The following KCND2 variants were observed in gnomAD, a reference collection of about 807,000 sequenced individuals.
KCND2 encodes the protein A-type voltage-gated potassium channel KCND2.
KCND2 carries 16 observed loss-of-function variants against 54.4 expected under a neutral mutation model. The observed-to-expected ratio is 0.29, with a 90% CI of 0.20 to 0.45. The LOEUF (loss-of-function observed/expected upper bound fraction) is 0.45. Ranked by LOEUF, KCND2 falls within the 20% of genes least tolerant of loss-of-function variation. KCND2 has a pLI of 1.00. For synonymous variants in KCND2, 317 were observed against 310.7 expected, an observed-to-expected ratio of 1.02 and a Z score of -0.21; for missense variants, 486 against 824.2, an observed-to-expected ratio of 0.59 and a Z score of 5.02.
chr7:120,616,237 G>A (rs925389040), intron 1 of KCND2, among the ~76,000 whole-genome samples: 8 of 152,012 alleles, frequency 5.3e-5, no homozygotes, highest in African/African-American at 1.7e-4. Context: ...GTAATCTAAG[G>A]AAAAATCATT....
intron 1 of KCND2, among the ~76,000 whole-genome samples, chr7:120,673,711 T>C (rs1386394351): frequency 6.6e-6 from 1 of 152,102 alleles, no homozygotes; most frequent in African/African-American, 2.4e-5. Context: ...CAGTGGTTTT[T>C]CATAGCCTAC....
At chr7:120,421,999 G>A (rs1168188862) in intron 1 of KCND2, among the ~76,000 whole-genome samples, 1 of 152,206 alleles carries the variant, frequency 6.6e-6, no homozygotes, top group Non-Finnish European at 1.5e-5. Context: ...AAGGGCAGAA[G>A]GTTGTTCAGT....
intron 1 of KCND2, among the ~76,000 whole-genome samples, chr7:120,621,398 T>C (rs1404169984): frequency 6.6e-6 from 1 of 151,666 alleles, no homozygotes; most frequent in African/African-American, 2.4e-5. Flanking sequence ...TTTAAACACA[T>C]TGAAGGATGG....
chr7:120,443,352 A>T lies in KCND2; in HGVS notation c.1115+167605A>T, dbSNP rs4730962. Among the ~76,000 whole-genome samples the T allele has an allele frequency of 1.8e-4, 27 of 146,594 alleles. 1 individual carries two copies. The highest frequency in any genetic ancestry group is 1.4e-3 in the Admixed American group (20 of 14,526). ...ACAATCTCCAAGAAATAACAATAATAAATAATAATAATAATAATAATAATA... is the reference window on the plus strand; with the variant it reads ...ACAATCTCCAAGAAATAACAATAATTAATAATAATAATAATAATAATAATA... On this transcript the variant is annotated intron_variant, in intron 1 of 5. Transcript: ENST00000331113.
intron 1 of KCND2, among the ~76,000 whole-genome samples, chr7:120,382,937 A>T (rs897573639): frequency 9.2e-5 from 14 of 151,828 alleles, no homozygotes; most frequent in Non-Finnish European, 2.9e-5. Flanking sequence ...TTCAGTGGAG[A>T]TGTTTACTAG....
rs548618966 is a variant in KCND2 at position 120,650,666 on chromosome 7, G to A, written c.1116-82237G>A. On this transcript the variant is annotated intron_variant, in intron 1 of 5. Coordinates refer to ENST00000331113, the MANE Select transcript of KCND2 (RefSeq NM_012281.3). ...TGTTCCATTGCTGGCGAGGAGCTGC[G>A]TTCCTTTGGAGGAGGACAGGCACTC... 1.6e-4 allele frequency among the ~76,000 whole-genome samples: 23 copies of A among 144,040 alleles called. 4 individuals are homozygous for A. The highest frequency in any genetic ancestry group is 5.8e-4 in the East Asian group (3 of 5,170). 94.5% of individuals were successfully genotyped at this position (144,040 alleles called of 152,430 possible).
rs140946576 is a variant in KCND2, at chr7:120,636,286, G to A, written c.1116-96617G>A. Reference sequence around the variant, plus strand: ...ACGATTATAAGCACAGACAGCAGAGGTGATGGTGTGTAAGGGTGTTATGGA... The same window carrying A: ...ACGATTATAAGCACAGACAGCAGAGATGATGGTGTGTAAGGGTGTTATGGA... On this transcript the variant is annotated intron_variant, in intron 1 of 5. Coordinates refer to ENST00000331113, the MANE Select transcript of KCND2 (RefSeq NM_012281.3). 2.4e-3 allele frequency among the ~76,000 whole-genome samples: 371 copies of A among 152,168 alleles called. 1 individual carries two copies. Among genetic ancestry groups the A allele is most frequent in the African/African-American group, 8.3e-3 (345 of 41,536 alleles).
In KCND2 at chr7:120,476,210, T is replaced by C. The variant is rs1052119686; in HGVS notation, c.1115+200463T>C. Reference sequence around the variant, plus strand: ...CACTTAACCTTTCAACATCTCAATATTGAAACCTTTCAACCTTTCAATACC... The same window carrying C: ...CACTTAACCTTTCAACATCTCAATACTGAAACCTTTCAACCTTTCAATACC... On this transcript the variant is annotated intron_variant, in intron 1 of 5. Coordinates refer to ENST00000331113, the MANE Select transcript of KCND2 (RefSeq NM_012281.3). 2.2e-4 allele frequency among the ~76,000 whole-genome samples: 34 copies of C among 152,194 alleles called. 1 individual carries two copies. The highest frequency in any genetic ancestry group is 1.2e-3 in the Admixed American group (19 of 15,272).
chr7:120,737,035 T>TAC (rs768582158), intron 2 of KCND2, among the ~76,000 whole-genome samples: 5,446 of 98,662 alleles, frequency 0.055, 167 homozygotes, highest in Admixed American at 0.1. Flanking sequence ...CTGGAAAGCT[T>TAC]ACACACACAC....
At chr7:120,581,679 C>A (rs1792517175) in intron 1 of KCND2, among the ~76,000 whole-genome samples, 1 of 151,790 alleles carries the variant, frequency 6.6e-6, no homozygotes, top group Non-Finnish European at 1.5e-5. Context: ...GAACAGGCAG[C>A]AAGCTAATTG....
chr7:120,376,980 CTGAAGT>C (rs1249021527), intron 1 of KCND2, among the ~76,000 whole-genome samples: 1 of 151,826 alleles, frequency 6.6e-6, no homozygotes, highest in African/African-American at 2.4e-5. Flanking sequence ...AATGTTTCAC[CTGAAGT>C]TGAAGTTGGA....
At chr7:120,692,522 A>G (rs1792282608) in intron 1 of KCND2, among the ~76,000 whole-genome samples, 1 of 152,192 alleles carries the variant, frequency 6.6e-6, no homozygotes, top group East Asian at 1.9e-4. Context: ...CAACCTTGGC[A>G]GACTGGGTGA....
chr7:120,356,717 C>T (rs1800511626), intron 1 of KCND2, among the ~76,000 whole-genome samples: 1 of 152,138 alleles, frequency 6.6e-6, no homozygotes, highest in Non-Finnish European at 1.5e-5. Flanking sequence ...CTATTGGCAA[C>T]TTCTTGGATT....
intron 1 of KCND2, among the ~76,000 whole-genome samples, chr7:120,403,248 A>G (rs921397512): frequency 6.6e-6 from 1 of 152,114 alleles, no homozygotes. Flanking sequence ...CCAGCTAAGA[A>G]GATGTCTGAA....
intron 1 of KCND2, among the ~76,000 whole-genome samples, chr7:120,630,962 G>C (rs757830705): frequency 6.6e-6 from 1 of 152,096 alleles, no homozygotes; most frequent in Non-Finnish European, 1.5e-5. Context: ...AAAATCTTTG[G>C]TTTAGTGATT....
chr7:120,681,105 A>G (rs1792133264), intron 1 of KCND2, among the ~76,000 whole-genome samples: 1 of 151,968 alleles, frequency 6.6e-6, no homozygotes, highest in African/African-American at 2.4e-5. Flanking sequence ...TAAACAAGCA[A>G]CTCCCCAAAG....
At chr7:120,556,343 A>G (rs981604134) in intron 1 of KCND2, among the ~76,000 whole-genome samples, 1 of 152,176 alleles carries the variant, frequency 6.6e-6, no homozygotes, top group Non-Finnish European at 1.5e-5. Context: ...AAACACACAG[A>G]AACTCTGACT....
chr7:120,293,962 A>C (rs1054338619), intron 1 of KCND2, among the ~76,000 whole-genome samples: 1 of 152,016 alleles, frequency 6.6e-6, no homozygotes, highest in African/African-American at 2.4e-5. Flanking sequence ...ACCAGCAATG[A>C]CAAAACTAAA....
chr7:120,514,472 C>A (rs1320898557), intron 1 of KCND2, among the ~76,000 whole-genome samples: 1 of 152,056 alleles, frequency 6.6e-6, no homozygotes, highest in Non-Finnish European at 1.5e-5. Flanking sequence ...ATATCCAGAT[C>A]CTTATGGTTT....
Sources: allele counts gnomAD v4.1 joint callset (sites outside exome capture counted in the v4.1 genomes callset), GRCh38; gene constraint gnomAD v4.1.1; transcripts MANE v1.5; gene names NCBI Gene and HGNC (gene_info 2026-07-23, HGNC 2026-07-21).